The following RPF1 variants were observed in gnomAD, a reference collection of about 807,000 sequenced individuals.
RPF1 encodes ribosome production factor 1.
RPF1 carries 34 observed loss-of-function variants against 41.9 expected under a neutral mutation model. The observed-to-expected ratio is 0.81, with a 90% CI of 0.62 to 1.08. RPF1 has a LOEUF of 1.08. Among genes scored for constraint, RPF1 ranks in the 50% least tolerant of loss-of-function variants. RPF1 has a pLI of 0.00. For synonymous variants in RPF1, 140 were observed against 148.9 expected, an observed-to-expected ratio of 0.94 and a Z score of 0.43; for missense variants, 425 against 435.2, an observed-to-expected ratio of 0.98 and a Z score of 0.21.
chr1:84,484,265 TTAAA>T (rs1237089054), intron 3 of RPF1, among the ~76,000 whole-genome samples: 18 of 152,234 alleles, frequency 1.2e-4, no homozygotes, highest in Non-Finnish European at 2.5e-4. Context: ...ATATTCCCTC[TTAAA>T]TAAGAGTAAG....
At chr1:84,480,802 G>A (rs1199925988) in intron 1 of RPF1, among the ~76,000 whole-genome samples, 154 bp from the exon 2 acceptor site, 1 of 152,114 alleles carries the variant, frequency 6.6e-6, no homozygotes, top group Non-Finnish European at 1.5e-5. Flanking sequence ...CAGTAATTTA[G>A]GTAGAAAACT....
At chr1:84,481,357 T>C (rs185917605) in intron 2 of RPF1, among the ~76,000 whole-genome samples, 2 of 152,364 alleles carry the variant, frequency 1.3e-5, no homozygotes, top group Admixed American at 1.3e-4. Flanking sequence ...CATATAACTT[T>C]GTGTTTCAGA....
At chr1:84,494,949 A>G (rs972317898) in intron 5 of RPF1, among the ~76,000 whole-genome samples, 1 of 152,220 alleles carries the variant, frequency 6.6e-6, no homozygotes, top group Non-Finnish European at 1.5e-5. Context: ...ATACAAATGT[A>G]TAAAAGTGAC....
At chr1:84,495,349 GTTT>G in intron 5 of RPF1, 21 bp from the exon 6 acceptor site, 1 of 1,118,414 alleles carries the variant, frequency 8.9e-7, no homozygotes, top group Non-Finnish European at 1.3e-6. Flanking sequence ...AGTTCAATGT[GTTT>G]TTCTTAACTT....
chr1:84,496,436 A>G, intron 8 of RPF1, 66 bp downstream of exon 8: 2 of 1,398,796 alleles, frequency 1.4e-6, no homozygotes, highest in Middle Eastern at 2.5e-4. Flanking sequence ...GTGGGAGGAG[A>G]GAGAGCATCA....
At position 84,497,465 on chromosome 1, in the gene RPF1, T is replaced by A. The variant is rs1681962918; in HGVS notation, c.1045T>A (p.Leu349Ile). Residue 349 changes from leucine to isoleucine, a missense_variant, in exon 9 of 9, where the codon TTA becomes ATA. Coordinates refer to ENST00000370654, the MANE Select transcript of RPF1 (RefSeq NM_025065.7). Reference sequence around the variant, plus strand: ...GGATACAAGTAGAAGAAAATTCCATTTATAAAGTACTGAGAGAATGATATT... The same window carrying A: ...GGATACAAGTAGAAGAAAATTCCATATATAAAGTACTGAGAGAATGATATT... ...EMDTSRRKFH[L>I] The A allele has an allele frequency of 1.2e-6, 2 of 1,610,522 alleles. No individual in the cohort carries two copies. Among genetic ancestry groups the A allele is most frequent in the Non-Finnish European group, 1.7e-6 (2 of 1,177,484 alleles).
intron 3 of RPF1, among the ~76,000 whole-genome samples, chr1:84,485,258 C>T (rs113740208): frequency 0.071 from 10,855 of 152,094 alleles, 773 homozygotes; most frequent in African/African-American, 0.18. Flanking sequence ...ACTGCCACAC[C>T]CAGCTAATTT....
chr1:84,479,579 A>G, intron 1 of RPF1, 70 bp downstream of exon 1: 2 of 1,431,526 alleles, frequency 1.4e-6, no homozygotes, highest in Non-Finnish European at 1.9e-6. Context: ...CGCGGGGCGC[A>G]CATCTGTGGT....
chr1:84,497,071 C>T (rs1284299944), intron 8 of RPF1, among the ~76,000 whole-genome samples: 5 of 151,588 alleles, frequency 3.3e-5, no homozygotes, highest in East Asian at 1.9e-4. Context: ...GGGGTTTCCC[C>T]GTGTTAGCCA....
intron 3 of RPF1, among the ~76,000 whole-genome samples, chr1:84,488,838 A>G (rs1218391127): frequency 6.6e-6 from 1 of 152,146 alleles, no homozygotes; most frequent in Non-Finnish European, 1.5e-5. Context: ...TGCATTAAAC[A>G]TCATAACCAA....
At chr1:84,481,348 A>C (rs1291109315) in intron 2 of RPF1, among the ~76,000 whole-genome samples, 2 of 152,156 alleles carry the variant, frequency 1.3e-5, no homozygotes, top group African/African-American at 2.4e-5. Flanking sequence ...GGTATTTTGC[A>C]TATAACTTTG....
chr1:84,496,769 G>A (rs1681945180), intron 8 of RPF1, among the ~76,000 whole-genome samples: 1 of 152,140 alleles, frequency 6.6e-6, no homozygotes, highest in Non-Finnish European at 1.5e-5. Flanking sequence ...ATAAGCCTGT[G>A]TTATATGTGA....
intron 4 of RPF1, 145 bp downstream of exon 4, chr1:84,489,873 TATGATGTAGGTTTACTAAAC>T: frequency 1.7e-6 from 1 of 601,360 alleles, no homozygotes; most frequent in Non-Finnish European, 3.0e-6. Flanking sequence ...GCTCTGGTAA[TATGATGTAGGTTTACTAAAC>T]ATGATTCTTC....
intron 1 of RPF1, 123 bp downstream of exon 1, chr1:84,479,632 G>C (rs1681605411): frequency 3.3e-6 from 3 of 916,812 alleles, no homozygotes; most frequent in Non-Finnish European, 3.3e-6. Flanking sequence ...TCCGTGGGAA[G>C]GGTGGCGTCG....
intron 8 of RPF1, among the ~76,000 whole-genome samples, chr1:84,496,822 G>C (rs1418237933): frequency 6.6e-6 from 1 of 152,138 alleles, no homozygotes; most frequent in African/African-American, 2.4e-5. Context: ...AGTTTTCTTA[G>C]AAGTTTGGAG....
At chr1:84,482,887 A>C in intron 2 of RPF1, 28 bp from the exon 3 acceptor site, 6 of 1,424,908 alleles carry the variant, frequency 4.2e-6, no homozygotes, top group Non-Finnish European at 5.9e-6. Flanking sequence ...AAATCCTTCT[A>C]AAATGTAATC....
intron 5 of RPF1, 110 bp from the exon 6 acceptor site, chr1:84,495,263 A>G (rs1403230299): frequency 1.1e-5 from 7 of 652,592 alleles, no homozygotes; most frequent in African/African-American, 3.8e-5. Context: ...ACATCTGCCT[A>G]TTCACTTGGG....
intron 3 of RPF1, 95 bp from the exon 4 acceptor site, chr1:84,489,538 C>T (rs1570349435): frequency 4.2e-6 from 3 of 707,946 alleles, no homozygotes; most frequent in East Asian, 2.7e-5. Flanking sequence ...CAGCTAGATA[C>T]TCAGTGTCCA....
chr1:84,479,850 G>A (rs1681611236), intron 1 of RPF1, among the ~76,000 whole-genome samples: 1 of 152,206 alleles, frequency 6.6e-6, no homozygotes. Flanking sequence ...GTCCGTCTAG[G>A]TAGCGTTGGT....
Sources: allele counts gnomAD v4.1 joint callset (sites outside exome capture counted in the v4.1 genomes callset), GRCh38; gene constraint gnomAD v4.1.1; transcripts MANE v1.5; gene names NCBI Gene and HGNC (gene_info 2026-07-23, HGNC 2026-07-21).